GRIN2D: variants seen among roughly 807,000 people sequenced by gnomAD.
The protein encoded by GRIN2D is glutamate ionotropic receptor NMDA type subunit 2D, also known as glutamate receptor ionotropic, NMDA 2D.
A neutral mutation model predicts 103.2 loss-of-function variants in GRIN2D; 37 were observed. The ratio of observed to expected loss-of-function variants is 0.36; its 90% confidence interval spans 0.28 to 0.47. The LOEUF (loss-of-function observed/expected upper bound fraction) is 0.47, where lower values mean the gene tolerates loss of function less well. Ranked by LOEUF, GRIN2D falls within the 20% of genes least tolerant of loss-of-function variation. The pLI, the probability that GRIN2D is intolerant of heterozygous loss-of-function variation, is 1.00. For synonymous variants in GRIN2D, 845 were observed against 885.6 expected, an observed-to-expected ratio of 0.95 and a Z score of 0.81; for missense variants, 1,557 against 1,910.6, an observed-to-expected ratio of 0.81 and a Z score of 3.45.
intron 3 of GRIN2D, among the ~76,000 whole-genome samples, chr19:48,402,446 G>A (rs917861376): frequency 5.3e-5 from 8 of 151,880 alleles, no homozygotes; most frequent in African/African-American, 1.9e-4. Context: ...GGCCGGGCGC[G>A]GTGGCTCATG....
rs777190519 is a variant in GRIN2D, at chr19:48,404,747, C to G, written c.479C>G (p.Thr160Ser). The G allele has an allele frequency of 1.2e-6, 2 of 1,603,654 alleles. No homozygotes were observed. The highest frequency in any genetic ancestry group is 4.5e-5 in the East Asian group (2 of 44,760). Residue 160 changes from threonine to serine, a missense_variant, in exon 4 of 14, where the codon ACC becomes AGC. Around this residue, in one of 7 missense-constraint regions of GRIN2D, gnomAD observed 490 missense variants for 601.1 expected, o/e 0.82. Transcript: ENST00000263269. ...LVLTPKEKGS[T>S]FLQLGSSTEQ... ...CCTCCCTGGCAGGAGAAGGGCTCCA[C>G]CTTCCTGCAGCTGGGCTCTTCCACC...
In GRIN2D at chr19:48,414,869, C is replaced by T. The variant is rs1970923671; in HGVS notation, c.1418C>T (p.Pro473Leu). 1.9e-6 allele frequency: 3 copies of T among 1,614,008 alleles called. No homozygotes were observed. The highest frequency in any genetic ancestry group is 1.3e-5 in the African/African-American group (1 of 74,922). Residue 473 changes from proline (P) to leucine (L), a missense_variant, in exon 7 of 14, where the codon CCA becomes CTA. Transcript: ENST00000263269. The surrounding 1 kb of genome is among the most constrained non-coding windows in gnomAD (Gnocchi z 4.6). ...AGCCTGGTCACTGCCCGCAGCCCTC[C>T]ACCGGATGCCCCCCGCCCGGAAAAG... ...RSQLNRTHSP[P>L]PDAPRPEKRC...
rs1600996995 is a variant in GRIN2D at position 48,442,382 on chromosome 19, G to A, written c.2673G>A (p.Arg891=). The change falls in exon 13 of 14, where the codon AGG becomes AGA. Residue 891 remains arginine (R), a splice_region_variant and synonymous_variant. Coordinates refer to ENST00000263269, the MANE Select transcript of GRIN2D (RefSeq NM_000836.4). The surrounding 1 kb of genome is among the most constrained non-coding windows in gnomAD (Gnocchi z 7.2). ...TGGACTTCCTGCTGGCCTTCTCCAG[G>A]GTATGGGGCAGAGAGGGAGGCAGAG... is the stretch of plus-strand genomic sequence containing the variant. The part of the protein sequence containing the change: ...HRMDFLLAFS[R]GMYSCCSAEA... 6.8e-6 allele frequency: 11 copies of A among 1,608,372 alleles called. No individual in the cohort carries two copies. Among genetic ancestry groups the A allele is most frequent in the Middle Eastern group, 1.6e-4 (1 of 6,078 alleles).
In GRIN2D at chr19:48,394,699, G is replaced by A. The variant is rs1301188498; in HGVS notation, c.-264G>A. On this transcript the variant is annotated 5_prime_UTR_variant, in exon 2 of 14. Coordinates refer to ENST00000263269, the MANE Select transcript of GRIN2D (RefSeq NM_000836.4). The surrounding 1 kb of genome is among the most constrained non-coding windows in gnomAD (Gnocchi z 5.1). ...ACGTCCTCGCCTAGTCCAGGTGGCC[G>A]CAACCTTGGGGGAGAGACAGGGCAG... Among the ~76,000 whole-genome samples, 2 of 152,172 alleles carry A rather than the reference G, an allele frequency of 1.3e-5. No individual in the cohort carries two copies. The highest frequency in any genetic ancestry group is 3.9e-4 in the East Asian group (2 of 5,188).
At position 48,404,922 on chromosome 19, in the gene GRIN2D, C is replaced by A; in HGVS notation, c.654C>A (p.Arg218=). 6.2e-7 allele frequency: 1 copy of A among 1,613,768 alleles called. No individual in the cohort carries two copies. The highest frequency in any genetic ancestry group is 8.5e-7 in the Non-Finnish European group (1 of 1,179,944). Residue 218 remains arginine, a synonymous_variant, in exon 4 of 14, where the codon CGC becomes CGA. Coordinates refer to ENST00000263269, the MANE Select transcript of GRIN2D (RefSeq NM_000836.4). ...TDGSLVGWEH[R]GALTLDPGAG... ...GTAGTCTGGTGGGCTGGGAGCACCGCGGAGCGCTGACGCTGGACCCTGGGG... is the reference window on the plus strand; with the variant it reads ...GTAGTCTGGTGGGCTGGGAGCACCGAGGAGCGCTGACGCTGGACCCTGGGG...
chr19:48,402,350 A>G (rs1981563831), intron 3 of GRIN2D, among the ~76,000 whole-genome samples: 1 of 152,066 alleles, frequency 6.6e-6, no homozygotes, highest in African/African-American at 2.4e-5. Flanking sequence ...AGGATGATTT[A>G]GGTTTGGGGC....
At chr19:48,427,733 G>A (rs907713515) in intron 11 of GRIN2D, among the ~76,000 whole-genome samples, 3 of 151,820 alleles carry the variant, frequency 2.0e-5, no homozygotes, top group Non-Finnish European at 2.9e-5. Flanking sequence ...CGCCCGTCTC[G>A]GCCTCCCAAA....
rs1970919224 is a variant in GRIN2D, at chr19:48,414,630, C to G, written c.1412+46C>G. 2 of 1,516,188 alleles carry G rather than the reference C, an allele frequency of 1.3e-6. No individual in the cohort carries two copies. The highest frequency in any genetic ancestry group is 4.9e-5 in the East Asian group (2 of 40,784). 93.9% of individuals were successfully genotyped at this position (1,516,188 alleles called of 1,614,324 possible). A position where few individuals can be genotyped will look rare whatever the true frequency, so the allele number is the denominator to read the frequency against. ...AGTTCCGGCTCCAAAACCCGCCTCCCGTGAAGCCCAGTAGTCTGGGCCCCC... is the reference window on the plus strand; with the variant it reads ...AGTTCCGGCTCCAAAACCCGCCTCCGGTGAAGCCCAGTAGTCTGGGCCCCC... On this transcript the variant is annotated intron_variant, in intron 6 of 13. Coordinates refer to ENST00000263269, the MANE Select transcript of GRIN2D (RefSeq NM_000836.4). The surrounding 1 kb of genome is among the most constrained non-coding windows in gnomAD (Gnocchi z 4.6).
chr19:48,422,813 C>A (rs1971039597), intron 11 of GRIN2D, among the ~76,000 whole-genome samples: 1 of 152,088 alleles, frequency 6.6e-6, no homozygotes, highest in Non-Finnish European at 1.5e-5. Context: ...ATTCAGAGGC[C>A]AGGCGCAGTA....
rs1049548861 is a variant in GRIN2D at position 48,394,708 on chromosome 19, G to A, written c.-255G>A. Among the ~76,000 whole-genome samples the A allele has an allele frequency of 6.6e-6, 1 of 152,198 alleles. No individual in the cohort carries two copies. Among genetic ancestry groups the A allele is most frequent in the Admixed American group, 6.5e-5 (1 of 15,286 alleles). On this transcript the variant is annotated 5_prime_UTR_variant, in exon 2 of 14. Coordinates refer to ENST00000263269, the MANE Select transcript of GRIN2D (RefSeq NM_000836.4). This position sits in a 1 kb window ranked among gnomAD's most constrained non-coding sequence, Gnocchi z 5.1. ...CCTAGTCCAGGTGGCCGCAACCTTG[G>A]GGGAGAGACAGGGCAGGACAGGACC...
chr19:48,416,227 A>T (rs997142836), intron 8 of GRIN2D, 72 bp downstream of exon 8: 10 of 1,417,426 alleles, frequency 7.1e-6, no homozygotes, highest in Non-Finnish European at 8.8e-6. Context: ...GGGCCCTGGG[A>T]TCAGAAAACC....
chr19:48,437,122 T>C (rs1222380006), intron 11 of GRIN2D, among the ~76,000 whole-genome samples: 2 of 152,126 alleles, frequency 1.3e-5, no homozygotes, highest in Admixed American at 1.3e-4. Context: ...TCTTTTTGTT[T>C]TGTTTTGTTT....
intron 4 of GRIN2D, among the ~76,000 whole-genome samples, chr19:48,407,781 A>C (rs1970809206): frequency 6.6e-6 from 1 of 152,246 alleles, no homozygotes; most frequent in Non-Finnish European, 1.5e-5. Flanking sequence ...TCAAGCAGGC[A>C]ATAACTTCTG....
At position 48,414,616 on chromosome 19, in the gene GRIN2D, C is replaced by A; in HGVS notation, c.1412+32C>A. The stretch of plus-strand genomic sequence containing the variant: ...GCTCGGGATCCAGGAGTTCCGGCTC[C>A]AAAACCCGCCTCCCGTGAAGCCCAG... On this transcript the variant is annotated intron_variant, in intron 6 of 13. Coordinates refer to ENST00000263269, the MANE Select transcript of GRIN2D (RefSeq NM_000836.4). The surrounding 1 kb of genome is among the most constrained non-coding windows in gnomAD (Gnocchi z 4.6). 1 of 1,535,912 alleles carries A rather than the reference C, an allele frequency of 6.5e-7. No individual in the cohort carries two copies. Among genetic ancestry groups the A allele is most frequent in the South Asian group, 1.2e-5 (1 of 83,886 alleles).
intron 4 of GRIN2D, among the ~76,000 whole-genome samples, chr19:48,412,467 A>G (rs1323985319): frequency 6.8e-6 from 1 of 146,194 alleles, no homozygotes; most frequent in Non-Finnish European, 1.5e-5. Flanking sequence ...GAAAGAAAGA[A>G]AGAAAGAAAG....
Position 48,414,804 on chromosome 19 carries a change from T to C in GRIN2D, c.1413-60T>C. On this transcript the variant is annotated intron_variant, in intron 6 of 13. Coordinates refer to ENST00000263269, the MANE Select transcript of GRIN2D (RefSeq NM_000836.4). This position sits in a 1 kb window ranked among gnomAD's most constrained non-coding sequence, Gnocchi z 4.6. The stretch of plus-strand genomic sequence containing the variant: ...CCTATCCCTTCCTCCATATCCTCTC[T>C]TCATGAGAGAGTCTAAGGAGGGGGT... 1 of 1,564,274 alleles carries C rather than the reference T, an allele frequency of 6.4e-7. No individual in the cohort carries two copies. The highest frequency in any genetic ancestry group is 8.7e-7 in the Non-Finnish European group (1 of 1,143,024).
intron 4 of GRIN2D, among the ~76,000 whole-genome samples, chr19:48,407,583 A>G (rs1397533686): frequency 6.6e-6 from 1 of 152,106 alleles, no homozygotes; most frequent in African/African-American, 2.4e-5. Context: ...CTGAGCTGTG[A>G]CCTGAGGGAT....
rs1293641315 is a variant in GRIN2D at position 48,407,584 on chromosome 19, C to A, written c.1085+2231C>A. 6.6e-5 allele frequency among the ~76,000 whole-genome samples: 10 copies of A among 152,224 alleles called. No homozygotes were observed. The South Asian group carries it at 2.1e-3, about 32-fold the overall frequency. On this transcript the variant is annotated intron_variant, in intron 4 of 13. Transcript: ENST00000263269. ...CTAGGAGAAGGTATCTGAGCTGTGA[C>A]CTGAGGGATGAATTGCTCATTGATT...
chr19:48,443,802 C>T lies in GRIN2D; in HGVS notation c.3876C>T (p.Arg1292=). 34 of 1,476,300 alleles carry T rather than the reference C, an allele frequency of 2.3e-5. No individual in the cohort carries two copies. Among genetic ancestry groups the T allele is most frequent in the Non-Finnish European group, 3.0e-5 (34 of 1,121,664 alleles). 91.5% of individuals were successfully genotyped at this position (1,476,300 alleles called of 1,614,324 possible). A position where few individuals can be genotyped will look rare whatever the true frequency, so the allele number is the denominator to read the frequency against. The change falls in exon 14 of 14, where the codon CGC becomes CGT. Residue 1292 remains arginine (R), a synonymous_variant. Coordinates refer to ENST00000263269, the MANE Select transcript of GRIN2D (RefSeq NM_000836.4). The surrounding 1 kb of genome is among the most constrained non-coding windows in gnomAD (Gnocchi z 8.9). ...APARRLTGPS[R]HARRCPHAAH... The stretch of plus-strand genomic sequence containing the variant: ...CGCGCAGGCTTACCGGGCCCTCCCG[C>T]CACGCTCGCAGGTGTCCGCACGCCG...
Sources: allele counts gnomAD v4.1 joint callset (sites outside exome capture counted in the v4.1 genomes callset), GRCh38; gene constraint gnomAD v4.1.1; regional missense constraint gnomAD v4.1.1; non-coding constraint Gnocchi (gnomAD v3.1); transcripts MANE v1.5; gene names NCBI Gene and HGNC (gene_info 2026-07-23, HGNC 2026-07-21).